WDR11: variants seen among roughly 807,000 people sequenced by gnomAD.
The protein encoded by WDR11 is WD repeat domain 11.
Under a neutral mutation model 151.2 loss-of-function variants are expected in WDR11, and 83 were observed. The ratio of observed to expected loss-of-function variants is 0.55; its 90% CI spans 0.46 to 0.66. The LOEUF (loss-of-function observed/expected upper bound fraction) is 0.66. Ranked by LOEUF, WDR11 falls within the 30% of genes least tolerant of loss-of-function variation. WDR11 has a pLI of 0.00. For synonymous variants in WDR11, 484 were observed against 533.1 expected, an observed-to-expected ratio of 0.91 and a Z score of 1.27; for missense variants, 1,301 against 1,480.9, an observed-to-expected ratio of 0.88 and a Z score of 1.99.
At chr10:120,868,284 TC>T (rs1244374383) in intron 9 of WDR11, among the ~76,000 whole-genome samples, 2 of 151,978 alleles carry the variant, frequency 1.3e-5, no homozygotes, top group African/African-American at 4.8e-5. Flanking sequence ...TGAAACCCTG[TC>T]TCTACTAAAA....
At position 120,851,688 on chromosome 10, in the gene WDR11, G is replaced by T. The variant is rs551841546; in HGVS notation, c.86+182G>T. ...TTGTTACAAAAGTGATAATAGCCCCGTGTGGGAAATTCCCCCATGCAAATA... is the reference window on the plus strand; with the variant it reads ...TTGTTACAAAAGTGATAATAGCCCCTTGTGGGAAATTCCCCCATGCAAATA... On this transcript the variant is annotated intron_variant, in intron 1 of 28. Coordinates refer to ENST00000263461, the MANE Select transcript of WDR11 (RefSeq NM_018117.12). 3.1e-5 allele frequency: 21 copies of T among 683,794 alleles called. No homozygotes were observed. In the East Asian group the frequency reaches 5.2e-4, roughly 17 times the overall value. 42.4% of individuals were successfully genotyped at this position (683,794 alleles called of 1,614,324 possible). A position where few individuals can be genotyped will look rare whatever the true frequency, so the allele number is the denominator to read the frequency against.
At chr10:120,867,403 G>A (rs1002666244) in intron 9 of WDR11, among the ~76,000 whole-genome samples, 3 of 152,224 alleles carry the variant, frequency 2.0e-5, no homozygotes, top group Non-Finnish European at 4.4e-5. Context: ...ACGTTCATTC[G>A]TGAGAGACTG....
At position 120,902,336 on chromosome 10, in the gene WDR11, A is replaced by G; in HGVS notation, c.2753+14A>G. The G allele has an allele frequency of 6.2e-7, 1 of 1,609,352 alleles. No individual in the cohort carries two copies. Among genetic ancestry groups the G allele is most frequent in the Non-Finnish European group, 8.5e-7 (1 of 1,175,844 alleles). On this transcript the variant is annotated intron_variant, in intron 22 of 28. Coordinates refer to ENST00000263461, the MANE Select transcript of WDR11 (RefSeq NM_018117.12). ...GCTTGTTTCAAGGTAATATTGTTTG[A>G]TGTATTCTGTATAAGAGACAGGATT...
intron 1 of WDR11, chr10:120,852,289 T>C (rs928306583): frequency 1.5e-4 from 70 of 478,332 alleles, no homozygotes; most frequent in Non-Finnish European, 2.4e-4. Context: ...GGGTCTCTAT[T>C]TTCATATCTT....
chr10:120,865,668 A>G lies in WDR11; in HGVS notation c.918A>G (p.Leu306=), dbSNP rs143614907. 58 of 1,610,872 alleles carry G rather than the reference A, an allele frequency of 3.6e-5. No homozygotes were observed. In the Middle Eastern group the frequency reaches 1.5e-3, roughly 43 times the overall value. The change falls in exon 7 of 29, where the codon CTA becomes CTG. Residue 306 remains leucine, a synonymous_variant. Coordinates refer to ENST00000263461, the MANE Select transcript of WDR11 (RefSeq NM_018117.12). ...PCFQRDGLFC[L]HENGCITLRV... is the part of the protein sequence containing the mutation. ...TTCAGCGTGATGGTTTATTTTGTCT[A>G]CATGAAAATGGTTGTATAACTTTAC...
At chr10:120,875,590 C>T (rs555342265) in intron 11 of WDR11, among the ~76,000 whole-genome samples, 15 of 151,880 alleles carry the variant, frequency 9.9e-5, no homozygotes, top group South Asian at 6.3e-4. Context: ...CTACAATCTC[C>T]GCCTCCTGGT....
chr10:120,905,702 C>T (rs888154110), intron 26 of WDR11, 174 bp from the exon 27 acceptor site: 36 of 1,209,298 alleles, frequency 3.0e-5, no homozygotes, highest in African/African-American at 3.0e-5. Flanking sequence ...CCCTGGGTCC[C>T]GTAGGCACAG....
chr10:120,889,259 A>T (rs369174899), intron 17 of WDR11, 75 bp downstream of exon 17: 6 of 654,298 alleles, frequency 9.2e-6, no homozygotes, highest in Non-Finnish European at 1.4e-5. Flanking sequence ...TTTTGTTGAG[A>T]TGGTGTCTTG....
chr10:120,889,025 T>C (rs1404316461), intron 16 of WDR11, 53 bp from the exon 17 acceptor site: 2 of 1,258,754 alleles, frequency 1.6e-6, no homozygotes, highest in Admixed American at 1.7e-5. Flanking sequence ...TTTATTATAA[T>C]GTCTTATACA....
In WDR11 at chr10:120,860,128, T is replaced by C. The variant is rs1473671098; in HGVS notation, c.372T>C (p.Asn124=). The C allele has an allele frequency of 6.2e-7, 1 of 1,614,170 alleles. No homozygotes were observed. The highest frequency in any genetic ancestry group is 8.5e-7 in the Non-Finnish European group (1 of 1,180,038). The stretch of plus-strand genomic sequence containing the variant: ...TTCCAGATGTTCAGTGGTTGTGGAA[T>C]CAAGATGCTTCCCGCGATTTACTGC... ...KPIQDVQWLW[N]QDASRDLLLA... The change falls in exon 4 of 29, where the codon AAT becomes AAC. Residue 124 remains asparagine, a synonymous_variant. Transcript: ENST00000263461.
chr10:120,889,191 G>A lies in WDR11; in HGVS notation c.2228+7G>A. ...TGAAAGGCAGAGTATCCAGGTATAA[G>A]CCAAGAATGAAATCTTGTTATTTCA... On this transcript the variant is annotated splice_region_variant and intron_variant, in intron 17 of 28. Coordinates refer to ENST00000263461, the MANE Select transcript of WDR11 (RefSeq NM_018117.12). 6.4e-7 allele frequency: 1 copy of A among 1,558,172 alleles called. No homozygotes were observed. The highest frequency in any genetic ancestry group is 8.9e-7 in the Non-Finnish European group (1 of 1,129,428).
intron 6 of WDR11, 49 bp downstream of exon 6, chr10:120,865,261 T>C: frequency 1.9e-6 from 3 of 1,578,772 alleles, no homozygotes; most frequent in South Asian, 2.2e-5. Context: ...AAGAATGTTA[T>C]ATTAAAAGAA....
intron 9 of WDR11, among the ~76,000 whole-genome samples, chr10:120,867,431 G>A (rs1846354655): frequency 1.3e-5 from 2 of 152,226 alleles, no homozygotes; most frequent in African/African-American, 4.8e-5. Flanking sequence ...TGAAAGCAAT[G>A]ACATTAGGCA....
intron 13 of WDR11, among the ~76,000 whole-genome samples, chr10:120,881,702 T>G (rs768703180): frequency 6.6e-6 from 1 of 152,190 alleles, no homozygotes; most frequent in Admixed American, 6.5e-5. Context: ...TTTCTGATAT[T>G]GACCTTGTGC....
At chr10:120,865,338 A>G in intron 6 of WDR11, 126 bp downstream of exon 6, 2 of 1,002,458 alleles carry the variant, frequency 2.0e-6, no homozygotes, top group South Asian at 3.0e-5. Context: ...TCAAAAGACT[A>G]GCAACACTAT....
chr10:120,875,999 T>G (rs1254156), intron 11 of WDR11, among the ~76,000 whole-genome samples: 1 of 133,948 alleles, frequency 7.5e-6, no homozygotes, highest in African/African-American at 2.8e-5. Context: ...TTTTTTTGAG[T>G]TGGAGTTTCG....
intron 9 of WDR11, among the ~76,000 whole-genome samples, chr10:120,869,117 T>G (rs572935949): frequency 4.2e-4 from 61 of 145,938 alleles, no homozygotes; most frequent in Middle Eastern, 3.4e-3. Context: ...TTTTTTTTTT[T>G]TTTTTTTTTT....
At position 120,909,147 on chromosome 10, in the gene WDR11, A is replaced by T. The variant is rs12259815; in HGVS notation, c.*434A>T. On this transcript the variant is annotated 3_prime_UTR_variant, in exon 29 of 29. Coordinates refer to ENST00000263461, the MANE Select transcript of WDR11 (RefSeq NM_018117.12). ...GTACTTATATACAGTCTTTCAAGAG[A>T]GATACAAACAAGGCAGAAACATTTA... The T allele has an allele frequency of 0.047, 8,307 of 175,200 alleles. 756 individuals carry two copies. The highest frequency in any genetic ancestry group is 0.19 in the African/African-American group (7,780 of 41,892). The allele number at this position is 175,200 out of a possible 1,614,324, so 10.9% of individuals were successfully genotyped here. A position where few individuals can be genotyped will look rare whatever the true frequency, so the allele number is the denominator to read the frequency against.
chr10:120,898,852 T>G (rs1000445862), intron 19 of WDR11, among the ~76,000 whole-genome samples: 1 of 150,226 alleles, frequency 6.7e-6, no homozygotes, highest in African/African-American at 2.5e-5. Context: ...CTCAGGTAGT[T>G]CTTTACAGCA....
Sources: allele counts gnomAD v4.1 joint callset (sites outside exome capture counted in the v4.1 genomes callset), GRCh38; gene constraint gnomAD v4.1.1; transcripts MANE v1.5; gene names NCBI Gene and HGNC (gene_info 2026-07-23, HGNC 2026-07-21).